The following HYDIN variants were observed in gnomAD, a reference collection of about 807,000 sequenced individuals.
HYDIN encodes the protein HYDIN axonemal central pair apparatus protein, also known as axonemal central pair apparatus protein HYDIN.
HYDIN carries 132 observed loss-of-function variants against 403.9 expected under a neutral mutation model. The ratio of observed to expected loss-of-function variants is 0.33; its 90% CI spans 0.28 to 0.38. The LOEUF (loss-of-function observed/expected upper bound fraction) is 0.38, where lower values mean the gene tolerates loss of function less well. Ranked by LOEUF, HYDIN falls within the 10% of genes least tolerant of loss-of-function variation. HYDIN has a pLI of 1.00. For missense variants in HYDIN, 2,827 were observed against 5,009.5 expected, an observed-to-expected ratio of 0.56 and a Z score of 13.15; for synonymous variants, 1,202 against 1,891.7, an observed-to-expected ratio of 0.64 and a Z score of 9.46.
In HYDIN at chr16:70,809,798, T is replaced by C. The variant is rs985049298; in HGVS notation, c.14868A>G (p.Thr4956=). 1.2e-6 allele frequency: 2 copies of C among 1,613,884 alleles called. No homozygotes were observed. Among genetic ancestry groups the C allele is most frequent in the Non-Finnish European group, 1.7e-6 (2 of 1,179,734 alleles). The change falls in exon 85 of 86, where the codon ACA becomes ACG. Residue 4956 remains threonine (T), a synonymous_variant. Coordinates refer to ENST00000393567, the MANE Select transcript of HYDIN (RefSeq NM_001270974.2). Reference sequence around the variant, plus strand: ...GGCCACTCACCCTGCAGTAGTATTCTGTCCTCTGCCGTGTGTAATTGATGA... The same window carrying C: ...GGCCACTCACCCTGCAGTAGTATTCCGTCCTCTGCCGTGTGTAATTGATGA... ...VKFINYTRQR[T]EYYCRTDCTD...
intron 39 of HYDIN, among the ~76,000 whole-genome samples, chr16:70,955,760 G>A (rs567378027): frequency 2.6e-5 from 4 of 152,288 alleles, no homozygotes; most frequent in African/African-American, 9.6e-5. Context: ...CCACTGATGC[G>A]TGCATGCTGT....
intron 45 of HYDIN, among the ~76,000 whole-genome samples, chr16:70,923,535 G>A (rs182097868): frequency 4.8e-5 from 6 of 123,716 alleles, no homozygotes; most frequent in African/African-American, 1.9e-4. Context: ...AGGTGTGGTG[G>A]CTCAAGCCTG....
At position 70,807,736 on chromosome 16, in the gene HYDIN, C is replaced by T. The variant is rs2035180253; in HGVS notation, c.15210G>A (p.Arg5070=). The T allele has an allele frequency of 6.2e-7, 1 of 1,614,054 alleles. No homozygotes were observed. The highest frequency in any genetic ancestry group is 1.3e-5 in the African/African-American group (1 of 74,910). ...CTGTGATGTTGTTGATCTTCTTGGGCCGCACAGACTCTCCAGCGCGAATGG... is the reference window on the plus strand; with the variant it reads ...CTGTGATGTTGTTGATCTTCTTGGGTCGCACAGACTCTCCAGCGCGAATGG... ...AFTIRAGESV[R]PKKINNITVS... Residue 5070 remains arginine, a synonymous_variant, in exon 86 of 86, where the codon CGG becomes CGA. Transcript: ENST00000393567.
chr16:71,181,823 A>T (rs1015674447), intron 3 of HYDIN, among the ~76,000 whole-genome samples: 2 of 152,152 alleles, frequency 1.3e-5, no homozygotes, highest in African/African-American at 4.8e-5. Flanking sequence ...TAACCTCATG[A>T]AGTTGACATT....
intron 41 of HYDIN, among the ~76,000 whole-genome samples, chr16:70,946,216 A>G (rs2077855742): frequency 1.4e-5 from 2 of 143,132 alleles, no homozygotes; most frequent in Non-Finnish European, 3.0e-5. Flanking sequence ...CTGTGTGTGG[A>G]TGGAGGCTGC....
At chr16:71,189,023 G>A (rs1597985985) in intron 1 of HYDIN, among the ~76,000 whole-genome samples, 1 of 152,226 alleles carries the variant, frequency 6.6e-6, no homozygotes, top group East Asian at 1.9e-4. Context: ...GGACAACAAA[G>A]TAAAAATTCA....
chr16:70,955,195 G>A (rs1207107824), intron 40 of HYDIN, among the ~76,000 whole-genome samples, 180 bp downstream of exon 40: 1 of 152,002 alleles, frequency 6.6e-6, no homozygotes, highest in Non-Finnish European at 1.5e-5. Context: ...GGCAGGGCAG[G>A]AGACCCAGGA....
chr16:71,063,611 G>A (rs952283860), intron 16 of HYDIN, among the ~76,000 whole-genome samples: 4 of 152,152 alleles, frequency 2.6e-5, no homozygotes, highest in African/African-American at 9.7e-5. Context: ...TGGAGCATCT[G>A]AGTGTTAGAC....
chr16:71,006,116 C>T (rs2144086969), intron 23 of HYDIN, among the ~76,000 whole-genome samples: 1 of 151,326 alleles, frequency 6.6e-6, no homozygotes, highest in Non-Finnish European at 1.5e-5. Flanking sequence ...AACAATTCCA[C>T]CCCTATGACA....
intron 13 of HYDIN, among the ~76,000 whole-genome samples, chr16:71,074,446 C>T (rs1356946696): frequency 2.0e-5 from 3 of 151,698 alleles, no homozygotes; most frequent in Non-Finnish European, 4.4e-5. Context: ...ACATGGGAGG[C>T]AGAGGCAGGT....
chr16:71,020,108 T>C, intron 22 of HYDIN, 66 bp downstream of exon 22: 1 of 1,534,466 alleles, frequency 6.5e-7, no homozygotes, highest in Non-Finnish European at 8.9e-7. Context: ...TCATTACTCT[T>C]CTCTTCCTTT....
At chr16:71,171,285 C>G (rs2086452406) in intron 5 of HYDIN, among the ~76,000 whole-genome samples, 1 of 152,236 alleles carries the variant, frequency 6.6e-6, no homozygotes, top group South Asian at 2.1e-4. Context: ...AACAGGAGAG[C>G]CTTCCCTTGA....
At chr16:71,215,689 G>A (rs2088841548) in intron 1 of HYDIN, among the ~76,000 whole-genome samples, 1 of 151,110 alleles carries the variant, frequency 6.6e-6, no homozygotes, top group Non-Finnish European at 1.5e-5. Context: ...AAAAATAAAA[G>A]GACAAGTCTC....
intron 41 of HYDIN, among the ~76,000 whole-genome samples, chr16:70,950,079 G>A (rs1365052127): frequency 7.1e-6 from 1 of 140,110 alleles, no homozygotes; most frequent in East Asian, 2.0e-4. Flanking sequence ...TCAGAACAAC[G>A]TAAGACTGAA....
intron 40 of HYDIN, among the ~76,000 whole-genome samples, chr16:70,954,687 G>T (rs1293890529): frequency 6.6e-6 from 1 of 152,134 alleles, no homozygotes; most frequent in Non-Finnish European, 1.5e-5. Context: ...GCCGGCCCAG[G>T]CCCATTTGTC....
chr16:70,951,356 A>C (rs1467413143), intron 41 of HYDIN, among the ~76,000 whole-genome samples: 1 of 151,906 alleles, frequency 6.6e-6, no homozygotes, highest in Non-Finnish European at 1.5e-5. Flanking sequence ...GGCCATGATC[A>C]TTCCCAACTA....
rs1410781147 is a variant in HYDIN at position 71,156,474 on chromosome 16, A to G, written c.717-3691T>C. The stretch of plus-strand genomic sequence containing the variant: ...CAGAAAATGCTCTTACAAAGAAGTA[A>G]AAGGTGTTGTTCTTCAAGGGTATAA... On this transcript the variant is annotated intron_variant, in intron 6 of 85. Coordinates refer to ENST00000393567, the MANE Select transcript of HYDIN (RefSeq NM_001270974.2). Among the ~76,000 whole-genome samples the G allele has an allele frequency of 2.5e-3, 377 of 152,210 alleles. 1 individual carries two copies. The highest frequency in any genetic ancestry group is 6.8e-3 in the Middle Eastern group (2 of 294).
chr16:70,944,596 T>C (rs1446034934), intron 41 of HYDIN, among the ~76,000 whole-genome samples: 3 of 151,948 alleles, frequency 2.0e-5, no homozygotes, highest in African/African-American at 7.3e-5. Context: ...GAGTGAGCAA[T>C]GGGGAAGACA....
At chr16:70,962,727 C>T (rs1476051035) in intron 37 of HYDIN, among the ~76,000 whole-genome samples, 1 of 145,744 alleles carries the variant, frequency 6.9e-6, no homozygotes, top group East Asian at 2.0e-4. Context: ...TGAGGTGATC[C>T]CCCTCTACTA....
Sources: gnomAD v4.1 joint callset for allele counts (sites outside exome capture counted in the v4.1 genomes callset) on GRCh38, gnomAD v4.1.1 for gene constraint, MANE v1.5 for transcripts, NCBI Gene and HGNC (gene_info 2026-07-23, HGNC 2026-07-21) for gene names.